Variants in ITCH observed in about 807,000 individuals in gnomAD.
The protein encoded by ITCH is E3 ubiquitin-protein ligase Itchy homolog.
In ITCH, 28 loss-of-function variants were observed where a neutral mutation model predicts 126.8. The ratio of observed to expected loss-of-function variants is 0.22; its 90% CI spans 0.16 to 0.30. The LOEUF (loss-of-function observed/expected upper bound fraction) is 0.30. ITCH is among the 10% of genes least tolerant of loss of function. The probability of loss-of-function intolerance (pLI) is 1.00; values close to 1 mark genes in which losing one functional copy is unlikely to be tolerated. For missense variants in ITCH, 631 were observed against 1,032.4 expected (o/e 0.61, Z 5.33); for synonymous variants, 342 against 340.0 (o/e 1.01, Z -0.06).
intron 4 of ITCH, among the ~76,000 whole-genome samples, chr20:34,410,245 G>A (rs1292515057): frequency 3.3e-5 from 5 of 152,006 alleles, no homozygotes; most frequent in Admixed American, 2.6e-4. Flanking sequence ...GTGGGTGCCT[G>A]TAATCCCAGC....
chr20:34,482,305 T>C (rs1340098169), intron 20 of ITCH, among the ~76,000 whole-genome samples: 2 of 152,140 alleles, frequency 1.3e-5, no homozygotes, highest in Non-Finnish European at 2.9e-5. Context: ...CAGCATTAAC[T>C]CAAAAGTCCA....
intron 20 of ITCH, among the ~76,000 whole-genome samples, chr20:34,484,466 G>A (rs1160570089): frequency 4.6e-5 from 7 of 152,110 alleles, no homozygotes; most frequent in Admixed American, 6.5e-5. Context: ...TAGTCAATTC[G>A]TTTTTGTCAA....
intron 23 of ITCH, 21 bp from the exon 24 acceptor site, chr20:34,504,310 T>G (rs1569013467): frequency 6.3e-7 from 1 of 1,593,382 alleles, no homozygotes; most frequent in South Asian, 1.1e-5. Context: ...ACAAACTGTT[T>G]ATGATTTCAT....
intron 4 of ITCH, among the ~76,000 whole-genome samples, chr20:34,411,434 G>A (rs560706874): frequency 1.6e-4 from 24 of 152,270 alleles, no homozygotes; most frequent in African/African-American, 5.3e-4. Context: ...GATTACAGGC[G>A]TGAGCCATTG....
Position 34,364,938 on chromosome 20 carries a change from G to T in ITCH, c.-99+1589G>T, listed in dbSNP as rs6059780. Reference sequence around the variant, plus strand: ...CAATGGGATGGGTGTGGTGGCTCACGCCTGTAATCCCAGCAATTTGGGAGG... The same window carrying T: ...CAATGGGATGGGTGTGGTGGCTCACTCCTGTAATCCCAGCAATTTGGGAGG... On this transcript the variant is annotated intron_variant, in intron 1 of 24. Transcript: ENST00000374864. Among the ~76,000 whole-genome samples, 170 of 147,148 alleles carry T rather than the reference G, an allele frequency of 1.2e-3. 1 individual carries two copies. The highest frequency in any genetic ancestry group is 2.0e-3 in the Non-Finnish European group (136 of 67,006).
At chr20:34,485,308 G>A (rs1056399403) in intron 20 of ITCH, among the ~76,000 whole-genome samples, 10 of 152,168 alleles carry the variant, frequency 6.6e-5, no homozygotes, top group African/African-American at 1.2e-4. Flanking sequence ...ATACCTAGGA[G>A]TGAAATCGCT....
intron 23 of ITCH, among the ~76,000 whole-genome samples, chr20:34,496,629 C>G (rs1330548557): frequency 6.6e-6 from 1 of 151,758 alleles, no homozygotes; most frequent in Non-Finnish European, 1.5e-5. Context: ...ATGGAGAAAC[C>G]CTGTCTCTAC....
chr20:34,481,326 C>A, intron 20 of ITCH, 120 bp downstream of exon 20: 1 of 1,062,054 alleles, frequency 9.4e-7, no homozygotes, highest in Non-Finnish European at 1.4e-6. Flanking sequence ...TAATCAATAT[C>A]CTATGTAGGC....
At chr20:34,401,020 A>G (rs1021572687) in intron 3 of ITCH, among the ~76,000 whole-genome samples, 1 of 152,074 alleles carries the variant, frequency 6.6e-6, no homozygotes, top group Non-Finnish European at 1.5e-5. Flanking sequence ...CGGCCTCCCA[A>G]AGTTCTCGAA....
intron 14 of ITCH, among the ~76,000 whole-genome samples, chr20:34,468,690 C>T (rs942910081): frequency 2.6e-5 from 4 of 151,212 alleles, no homozygotes; most frequent in African/African-American, 7.3e-5. Flanking sequence ...ACTCAGGAGG[C>T]GGAGGCAGGA....
At chr20:34,424,439 T>C in intron 6 of ITCH, 41 bp from the exon 7 acceptor site, 2 of 1,523,080 alleles carry the variant, frequency 1.3e-6, no homozygotes, top group Non-Finnish European at 1.8e-6. Context: ...TGAAAACTAC[T>C]CTCTTGAAAC....
Position 34,369,443 on chromosome 20 carries a change from G to A in ITCH, c.-49G>A. The A allele has an allele frequency of 2.5e-6, 1 of 399,090 alleles. No homozygotes were observed. Among genetic ancestry groups the A allele is most frequent in the Non-Finnish European group, 4.4e-6 (1 of 226,088 alleles). 24.7% of individuals were successfully genotyped at this position (399,090 alleles called of 1,614,324 possible). On this transcript the variant is annotated 5_prime_UTR_variant, in exon 2 of 25. Transcript: ENST00000374864. The stretch of plus-strand genomic sequence containing the variant: ...TGTGGAGACAACGCCTTAACCCAAG[G>A]AAGTGACTCAAACTGTGAGAACTTC...
chr20:34,468,356 A>C (rs563078856), intron 14 of ITCH, among the ~76,000 whole-genome samples: 109 of 152,170 alleles, frequency 7.2e-4, no homozygotes, highest in African/African-American at 2.5e-3. Context: ...ATTGGAAAAA[A>C]AAAATGTAAC....
intron 12 of ITCH, chr20:34,454,472 A>G (rs530872207): frequency 6.6e-6 from 1 of 152,296 alleles, no homozygotes; most frequent in East Asian, 1.9e-4. Context: ...TGAGTTGGTG[A>G]TAAGCTTATG....
intron 1 of ITCH, among the ~76,000 whole-genome samples, chr20:34,365,899 C>T (rs980745320): frequency 6.6e-6 from 1 of 152,138 alleles, no homozygotes; most frequent in Non-Finnish European, 1.5e-5. Flanking sequence ...TTCTGATGGT[C>T]TTGGGAACCA....
chr20:34,424,448 A>C (rs1323049735), intron 6 of ITCH, 32 bp from the exon 7 acceptor site: 53 of 1,579,944 alleles, frequency 3.4e-5, no homozygotes, highest in Non-Finnish European at 4.4e-5. Context: ...CTCTCTTGAA[A>C]CTCATTTTCT....
At position 34,480,482 on chromosome 20, in the gene ITCH, G is replaced by A. The variant is rs578145889; in HGVS notation, c.1819-117G>A. The A allele has an allele frequency of 1.3e-3, 1,593 of 1,245,250 alleles. 8 individuals carry two copies. The highest frequency in any genetic ancestry group is 2.4e-3 in the South Asian group (201 of 82,328). 77.1% of individuals were successfully genotyped at this position (1,245,250 alleles called of 1,614,324 possible). On this transcript the variant is annotated intron_variant, in intron 18 of 24. Transcript: ENST00000374864. ...CTCCCAGATTGCTGGGATTACAGGC[G>A]TGAGCCACCATGCCTGACCCAGGGA...
chr20:34,389,991 G>C (rs932072366), intron 2 of ITCH, among the ~76,000 whole-genome samples: 1 of 151,162 alleles, frequency 6.6e-6, no homozygotes, highest in South Asian at 2.1e-4. Context: ...TGTGGTTGTG[G>C]GTGCCTGTAG....
At chr20:34,445,179 TAA>T (rs917206155) in intron 10 of ITCH, 106 bp from the exon 11 acceptor site, 2 of 1,203,508 alleles carry the variant, frequency 1.7e-6, no homozygotes, top group Non-Finnish European at 2.3e-6. Flanking sequence ...TAAAAATACA[TAA>T]AAGACTCCAG....
Sources: gnomAD v4.1 joint callset for allele counts (sites outside exome capture counted in the v4.1 genomes callset) on GRCh38, gnomAD v4.1.1 for gene constraint, MANE v1.5 for transcripts, NCBI Gene and HGNC (gene_info 2026-07-23, HGNC 2026-07-21) for gene names.